Variants in ESRRB observed in about 807,000 individuals in gnomAD.
The protein encoded by ESRRB is steroid hormone receptor ERR2.
A neutral mutation model predicts 46.0 loss-of-function variants in ESRRB; 16 were observed. That is an observed-to-expected ratio of 0.35 (90% CI 0.24 to 0.53). The LOEUF (loss-of-function observed/expected upper bound fraction) is 0.53, where lower values mean the gene tolerates loss of function less well. Ranked by LOEUF, ESRRB falls within the 20% of genes least tolerant of loss-of-function variation. The probability of loss-of-function intolerance (pLI) is 0.93; values close to 1 mark genes in which losing one functional copy is unlikely to be tolerated. For missense variants in ESRRB, 488 were observed against 607.4 expected (o/e 0.80, Z 2.07); for synonymous variants, 246 against 259.6 (o/e 0.95, Z 0.50).
intron 2 of ESRRB, among the ~76,000 whole-genome samples, chr14:76,449,628 GT>G (rs1888297446): frequency 2.0e-5 from 3 of 152,110 alleles, no homozygotes; most frequent in Admixed American, 6.6e-5. Context: ...ATTGATTGCG[GT>G]CTTCTTAGGA....
At chr14:76,358,380 A>G (rs1342025673) in intron 1 of ESRRB, among the ~76,000 whole-genome samples, 1 of 111,702 alleles carries the variant, frequency 9.0e-6, no homozygotes, top group Non-Finnish European at 2.0e-5. Context: ...AGAAAGAAAG[A>G]AAGAAAGAAA....
At chr14:76,472,677 C>T (rs1334271059) in intron 3 of ESRRB, among the ~76,000 whole-genome samples, 1 of 152,230 alleles carries the variant, frequency 6.6e-6, no homozygotes, top group Non-Finnish European at 1.5e-5. Context: ...GAGTTCAGGG[C>T]ATTGCACTGG....
chr14:76,331,588 C>T (rs780761236), intron 1 of ESRRB, among the ~76,000 whole-genome samples: 8 of 152,138 alleles, frequency 5.3e-5, no homozygotes, highest in Admixed American at 4.6e-4. Flanking sequence ...TGGAGAAGGC[C>T]GAATATGGAC....
At chr14:76,453,119 A>G (rs770228612) in intron 2 of ESRRB, among the ~76,000 whole-genome samples, 1 of 152,240 alleles carries the variant, frequency 6.6e-6, no homozygotes, top group Non-Finnish European at 1.5e-5. Context: ...AGCTTCATTC[A>G]AGCTCAAATT....
upstream of ESRRB, among the ~76,000 whole-genome samples, chr14:76,368,300 A>G (rs1423924203): frequency 2.0e-5 from 3 of 152,048 alleles, no homozygotes; most frequent in Non-Finnish European, 4.4e-5. Context: ...CAAGTGCCTC[A>G]GAGGTGAGTG....
rs1009507266 is a variant in ESRRB, at chr14:76,500,836, T to C, written c.*2378T>C. On this transcript the variant is annotated 3_prime_UTR_variant, in exon 7 of 7. Coordinates refer to ENST00000644823, the MANE Select transcript of ESRRB (RefSeq NM_001379180.1). ...CCCCTCTAGCAGAGTGGGGCGGAAG[T>C]CCTGATGGTTGGTGTCCATGAGGTG... The C allele has an allele frequency of 5.2e-6, 6 of 1,146,844 alleles. No homozygotes were observed. Among genetic ancestry groups the C allele is most frequent in the Non-Finnish European group, 7.9e-6 (6 of 755,714 alleles). The allele number at this position is 1,146,844 out of a possible 1,614,324, so 71.0% of individuals were successfully genotyped here. A position where few individuals can be genotyped will look rare whatever the true frequency, so the allele number is the denominator to read the frequency against.
At position 76,393,967 on chromosome 14, in the gene ESRRB, A is replaced by ATTTTTTTT. The variant is rs71122531; in HGVS notation, c.50+17529_50+17536dup. On this transcript the variant is annotated intron_variant, in intron 1 of 6. Transcript: ENST00000644823. ...AGGCATGCACCAACATGCCTGGCTA[A>ATTTTTTTT]TTTTTTTTTTTTTTTTTTTTGTATT... 2.6e-3 allele frequency among the ~76,000 whole-genome samples: 325 copies of ATTTTTTTT among 126,910 alleles called. 2 individuals are homozygous for ATTTTTTTT. The highest frequency in any genetic ancestry group is 3.5e-3 in the Non-Finnish European group (215 of 61,768). 83.3% of individuals were successfully genotyped at this position (126,910 alleles called of 152,430 possible). A position where few individuals can be genotyped will look rare whatever the true frequency, so the allele number is the denominator to read the frequency against.
chr14:76,344,834 A>AGACT (rs1555389899), intron 1 of ESRRB, among the ~76,000 whole-genome samples: 1 of 149,486 alleles, frequency 6.7e-6, no homozygotes, highest in African/African-American at 2.5e-5. Context: ...CCTGGGTGAC[A>AGACT]GAGACTCCAT....
Position 76,491,520 on chromosome 14 carries a change from C to A in ESRRB, c.924C>A (p.Gly308=), listed in dbSNP as rs148356050. The part of the protein sequence containing the change: ...QSAWMEILIL[G]IVYRSLPYDD... ...CCTGGATGGAAATCCTCATCCTGGG[C>A]ATCGTGTACCGCTCGCTGCCCTATG... The change falls in exon 6 of 7, where the codon GGC becomes GGA. Residue 308 remains glycine (G), a synonymous_variant. Transcript: ENST00000644823. 93 of 1,600,560 alleles carry A rather than the reference C, an allele frequency of 5.8e-5. No homozygotes were observed. The highest frequency in any genetic ancestry group is 7.6e-5 in the Non-Finnish European group (89 of 1,174,016).
At chr14:76,311,974 G>GAAA (rs11384140) in intron 1 of ESRRB, among the ~76,000 whole-genome samples, 41 of 81,596 alleles carry the variant, frequency 5.0e-4, no homozygotes, top group Admixed American at 1.8e-3. Flanking sequence ...CCTACATTTT[G>GAAA]AAAAAAAAAA....
In ESRRB at chr14:76,423,212, C is replaced by T. The variant is rs368434044; in HGVS notation, c.51-16129C>T. The stretch of plus-strand genomic sequence containing the variant: ...AGGCTGGAGTATAGTGGCTCAATCT[C>T]GGCTCACTGCATCCTCTGCCTCCCG... On this transcript the variant is annotated intron_variant, in intron 1 of 6. Coordinates refer to ENST00000644823, the MANE Select transcript of ESRRB (RefSeq NM_001379180.1). Among the ~76,000 whole-genome samples the T allele has an allele frequency of 1.5e-3, 210 of 144,232 alleles. 2 individuals are homozygous for T. Among genetic ancestry groups the T allele is most frequent in the African/African-American group, 5.4e-3 (207 of 38,392 alleles). The allele number at this position is 144,232 out of a possible 152,430, so 94.6% of individuals were successfully genotyped here.
rs540803437 is a variant in ESRRB at position 76,314,317 on chromosome 14, T to G, written c.2+3401T>G. On this transcript the variant is annotated intron_variant, in intron 1 of 6. Coordinates refer to the ESRRB transcript ENST00000512784. ...GCTCAGAAAAGAGTGTCCCTTCCAA[T>G]CCCCCTACAGCTGATGCACCCCTCA... 2.6e-5 allele frequency among the ~76,000 whole-genome samples: 4 copies of G among 152,042 alleles called. No individual in the cohort carries two copies. The East Asian group carries it at 7.7e-4, about 29-fold the overall frequency.
At chr14:76,495,374 G>A (rs570148412) in intron 6 of ESRRB, 1 of 152,078 alleles carries the variant, frequency 6.6e-6, no homozygotes, top group African/African-American at 2.4e-5. Context: ...AGGTGGAGGA[G>A]GAGTTTGTGA....
rs142192517 is a variant in ESRRB, at chr14:76,394,857, G to A, written c.50+18406G>A. ...AGGGCGAGGAGACTGCAGGAGCCAC[G>A]CAGAGCCAGAGGATGGCTGGACGGA... On this transcript the variant is annotated intron_variant, in intron 1 of 6. Coordinates refer to ENST00000644823, the MANE Select transcript of ESRRB (RefSeq NM_001379180.1). Among the ~76,000 whole-genome samples, 1,087 of 152,328 alleles carry A rather than the reference G, an allele frequency of 7.1e-3. 2 individuals are homozygous for A. Among genetic ancestry groups the A allele is most frequent in the Non-Finnish European group, 0.01 (695 of 68,028 alleles).
intron 1 of ESRRB, among the ~76,000 whole-genome samples, chr14:76,390,295 C>G (rs561817603): frequency 6.6e-6 from 1 of 152,258 alleles, no homozygotes; most frequent in South Asian, 2.1e-4. Context: ...TTGAGACCAG[C>G]CTGGCCAACA....
At chr14:76,383,689 G>A (rs1372419296) in intron 1 of ESRRB, among the ~76,000 whole-genome samples, 3 of 152,114 alleles carry the variant, frequency 2.0e-5, no homozygotes, top group Admixed American at 1.3e-4. Flanking sequence ...GTGAGTGTGT[G>A]TGTGTCTGTA....
intron 1 of ESRRB, among the ~76,000 whole-genome samples, chr14:76,415,385 G>A (rs1438946577): frequency 1.3e-5 from 2 of 152,114 alleles, no homozygotes; most frequent in East Asian, 3.8e-4. Flanking sequence ...AGGATGGCCG[G>A]GCACAGTGGC....
intron 3 of ESRRB, among the ~76,000 whole-genome samples, chr14:76,475,922 G>A (rs147099048): frequency 2.0e-5 from 3 of 152,130 alleles, no homozygotes; most frequent in Non-Finnish European, 4.4e-5. Context: ...ATAATACAGA[G>A]AGATGCCATG....
intron 1 of ESRRB, among the ~76,000 whole-genome samples, chr14:76,423,141 C>G (rs920102421): frequency 1.4e-5 from 2 of 143,508 alleles, no homozygotes; most frequent in Non-Finnish European, 3.0e-5. Context: ...TCTTTCATAA[C>G]CTTTTTTTTT....
Sources: gnomAD v4.1 joint callset for allele counts (sites outside exome capture counted in the v4.1 genomes callset) on GRCh38, gnomAD v4.1.1 for gene constraint, MANE v1.5 for transcripts, NCBI Gene and HGNC (gene_info 2026-07-23, HGNC 2026-07-21) for gene names.